Variants in OR52B2 observed in about 807,000 individuals in gnomAD.
OR52B2 encodes the protein olfactory receptor family 52 subfamily B member 2.
In OR52B2, 16 loss-of-function variants were observed where a neutral mutation model predicts 12.8. That is an observed-to-expected ratio of 1.25 (90% CI 0.85 to 1.90). The LOEUF (loss-of-function observed/expected upper bound fraction) is 1.90. OR52B2 is among the 40% of genes most tolerant of loss of function. The pLI is 0.00. For synonymous variants in OR52B2, 169 were observed against 152.2 expected, an observed-to-expected ratio of 1.11 and a Z score of -0.81; for missense variants, 465 against 407.8, an observed-to-expected ratio of 1.14 and a Z score of -1.21.
rs772072403 is a variant in OR52B2, at chr11:6,170,059, G to A, written c.268C>T (p.Gln90Ter). ...GCATCAAAAGCAATGTTATGTGCTT[G>A]AAGCCAAAAGATGGCTAGGGCCTTG... Reference protein sequence around the residue: ...VPKALAIFWLQAHNIAFDACV... With the variant: ...VPKALAIFWL The change falls in exon 1 of 1, where the codon CAA becomes TAA. Residue 90 changes from glutamine to a stop codon, truncating the protein, a stop_gained. Coordinates refer to ENST00000530810, the MANE Select transcript of OR52B2 (RefSeq NM_001004052.1). LOFTEE classifies it high-confidence loss of function. The A allele has an allele frequency of 1.5e-5, 25 of 1,613,864 alleles. No homozygotes were observed. The highest frequency in any genetic ancestry group is 2.1e-5 in the Non-Finnish European group (25 of 1,179,898).
At position 6,170,136 on chromosome 11, in the gene OR52B2, A is replaced by G; in HGVS notation, c.191T>C (p.Phe64Ser). ...GTCCATGACGGCCAGCATTGAGAGGAAGAAATACATGGGCACATGAAGGTT... is the reference window on the plus strand; with the variant it reads ...GTCCATGACGGCCAGCATTGAGAGGGAGAAATACATGGGCACATGAAGGTT... ...ERNLHVPMYF[F>S]LSMLAVMDIL... The change falls in exon 1 of 1, where the codon TTC becomes TCC. Residue 64 changes from phenylalanine to serine, a missense_variant. Transcript: ENST00000530810. 1 of 1,613,796 alleles carries G rather than the reference A, an allele frequency of 6.2e-7. No homozygotes were observed. The highest frequency in any genetic ancestry group is 8.5e-7 in the Non-Finnish European group (1 of 1,179,850).
Position 6,169,936 on chromosome 11 carries a change from G to A in OR52B2, c.391C>T (p.Pro131Ser), listed in dbSNP as rs1201095512. ...GTTAGCACTGTTGTATATCTCAGTGGGGCACAAATGGCCACAAAGCGATCA... is the reference window on the plus strand; with the variant it reads ...GTTAGCACTGTTGTATATCTCAGTGAGGCACAAATGGCCACAAAGCGATCA... Reference protein sequence around the residue: ...AFDRFVAICAPLRYTTVLTWP... With the variant: ...AFDRFVAICASLRYTTVLTWP... The change falls in exon 1 of 1, where the codon CCA (proline) becomes TCA (serine). Residue 131 changes from proline (P) to serine (S), a missense_variant. Pro to Ser is a moderately conservative substitution (Grantham distance 74). Coordinates refer to ENST00000530810, the MANE Select transcript of OR52B2 (RefSeq NM_001004052.1). 1 of 1,613,734 alleles carries A rather than the reference G, an allele frequency of 6.2e-7. No homozygotes were observed.
chr11:6,169,856 G>A lies in OR52B2; in HGVS notation c.471C>T (p.Ile157=). ...ALAVITRSFC[I]IFPVIFLLKR... ...TCAGCAAGAATATGACTGGGAAGAT[G>A]ATGCAGAAGCTTCGGGTGATGACGG... The change falls in exon 1 of 1, where the codon ATC becomes ATT. Residue 157 remains isoleucine (I), a synonymous_variant. Coordinates refer to ENST00000530810, the MANE Select transcript of OR52B2 (RefSeq NM_001004052.1). 1 of 1,613,832 alleles carries A rather than the reference G, an allele frequency of 6.2e-7. No homozygotes were observed. Among genetic ancestry groups the A allele is most frequent in the Non-Finnish European group, 8.5e-7 (1 of 1,179,876 alleles).
rs769878658 is a variant in OR52B2, at chr11:6,169,426, T to A, written c.901A>T (p.Ile301Leu). 2.5e-6 allele frequency: 4 copies of A among 1,613,582 alleles called. No homozygotes were observed. In the East Asian group the frequency reaches 8.9e-5, roughly 36 times the overall value. The change falls in exon 1 of 1, where the codon ATA becomes TTA. Residue 301 changes from isoleucine (I) to leucine (L), a missense_variant. Ile to Leu is a conservative substitution (Grantham distance 5). Transcript: ENST00000530810. ...PIVYGVKTKQ[I>L]REGVAHRFFD... ...AACCGGTGGGCTACACCCTCACGTA[T>A]CTGCTTAGTCTTCACACCATAGACA... is the stretch of plus-strand genomic sequence containing the variant.
Position 6,170,132 on chromosome 11 carries a change from G to C in OR52B2, c.195C>G (p.Leu65=). The C allele has an allele frequency of 6.2e-7, 1 of 1,613,840 alleles. No homozygotes were observed. Reference sequence around the variant, plus strand: ...GGATGTCCATGACGGCCAGCATTGAGAGGAAGAAATACATGGGCACATGAA... The same window carrying C: ...GGATGTCCATGACGGCCAGCATTGACAGGAAGAAATACATGGGCACATGAA... ...RNLHVPMYFF[L]SMLAVMDILL... is the part of the protein sequence containing the mutation. Residue 65 remains leucine (L), a synonymous_variant, in exon 1 of 1, where the codon CTC becomes CTG. Coordinates refer to ENST00000530810, the MANE Select transcript of OR52B2 (RefSeq NM_001004052.1).
At position 6,170,042 on chromosome 11, in the gene OR52B2, A is replaced by C; in HGVS notation, c.285T>G (p.Ala95=). 1 of 1,613,820 alleles carries C rather than the reference A, an allele frequency of 6.2e-7. No homozygotes were observed. The highest frequency in any genetic ancestry group is 8.5e-7 in the Non-Finnish European group (1 of 1,179,856). The part of the protein sequence containing the change: ...AIFWLQAHNI[A]FDACVTQGFF... ...AGCCTTGGGTGACACAGGCATCAAA[A>C]GCAATGTTATGTGCTTGAAGCCAAA... Residue 95 remains alanine (A), a synonymous_variant, in exon 1 of 1, where the codon GCT becomes GCG. Transcript: ENST00000530810.
In OR52B2 at chr11:6,170,070, AT is replaced by A; in HGVS notation, c.256del (p.Ile86SerfsTer23). ...STTTVPKALA[I>X]FWLQAHNIAF... is the part of the protein sequence containing the mutation. ...AATGTTATGTGCTTGAAGCCAAAAG[AT>A]GGCTAGGGCCTTGGGCACAGTGGTG... On this transcript the variant is annotated frameshift_variant, in exon 1 of 1. Coordinates refer to ENST00000530810, the MANE Select transcript of OR52B2 (RefSeq NM_001004052.1). LOFTEE classifies it high-confidence loss of function. 1 of 1,613,814 alleles carries A rather than the reference AT, an allele frequency of 6.2e-7. No individual in the cohort carries two copies. The highest frequency in any genetic ancestry group is 8.5e-7 in the Non-Finnish European group (1 of 1,179,884).
rs1322085502 is a variant in OR52B2 at position 6,169,873 on chromosome 11, T to A, written c.454A>T (p.Thr152Ser). 1 of 1,613,608 alleles carries A rather than the reference T, an allele frequency of 6.2e-7. No homozygotes were observed. The highest frequency in any genetic ancestry group is 8.5e-7 in the Non-Finnish European group (1 of 1,179,868). The part of the protein sequence containing the change: ...VVGRIALAVI[T>S]RSFCIIFPVI... Reference sequence around the variant, plus strand: ...GGGAAGATGATGCAGAAGCTTCGGGTGATGACGGCCAGAGCAATCCTCCCC... The same window carrying A: ...GGGAAGATGATGCAGAAGCTTCGGGAGATGACGGCCAGAGCAATCCTCCCC... The change falls in exon 1 of 1, where the codon ACC becomes TCC. Residue 152 changes from threonine (T) to serine (S), a missense_variant. Physicochemically the swap from Thr to Ser is moderately conservative, Grantham distance 58. Transcript: ENST00000530810.
At position 6,169,731 on chromosome 11, in the gene OR52B2, C is replaced by T; in HGVS notation, c.596G>A (p.Trp199Ter). 6.2e-7 allele frequency: 1 copy of T among 1,613,504 alleles called. No individual in the cohort carries two copies. Among genetic ancestry groups the T allele is most frequent in the East Asian group, 2.2e-5 (1 of 44,856 alleles). Reference sequence around the variant, plus strand: ...GACAATGGGCACTGAGAAGCCATACCAAATGTTAACAGTGATGTCAGCACA... The same window carrying T: ...GACAATGGGCACTGAGAAGCCATACTAAATGTTAACAGTGATGTCAGCACA... ...LACADITVNIWYGFSVPIVMV... is the reference protein window; with the variant it reads ...LACADITVNI Residue 199 changes from tryptophan (W) to a stop codon, truncating the protein, a stop_gained, in exon 1 of 1, where the codon TGG becomes TAG. Coordinates refer to ENST00000530810, the MANE Select transcript of OR52B2 (RefSeq NM_001004052.1). LOFTEE classifies it high-confidence loss of function.
Position 6,170,015 on chromosome 11 carries a change from GA to G in OR52B2, c.311del (p.Phe104SerfsTer5). On this transcript the variant is annotated frameshift_variant, in exon 1 of 1. Transcript: ENST00000530810. LOFTEE classifies it high-confidence loss of function. ...IAFDACVTQGFFVHMMFVGES... is the reference protein window; with the variant it reads ...IAFDACVTQGXFVHMMFVGES... ...CCCCCACAAACATCATATGGACAAA[GA>G]AGCCTTGGGTGACACAGGCATCAAA... The G allele has an allele frequency of 6.2e-7, 1 of 1,613,830 alleles. No individual in the cohort carries two copies. The highest frequency in any genetic ancestry group is 8.5e-7 in the Non-Finnish European group (1 of 1,179,890).
chr11:6,169,798 G>A lies in OR52B2; in HGVS notation c.529C>T (p.Pro177Ser). The A allele has an allele frequency of 6.2e-7, 1 of 1,613,770 alleles. No individual in the cohort carries two copies. The highest frequency in any genetic ancestry group is 1.6e-4 in the Middle Eastern group (1 of 6,062). ...CCAATATGCTCACAGTAGGAGTGAGGAACAATGTTGGTTAGGCAGAAGGGC... is the reference window on the plus strand; with the variant it reads ...CCAATATGCTCACAGTAGGAGTGAGAAACAATGTTGGTTAGGCAGAAGGGC... ...RLPFCLTNIV[P>S]HSYCEHIGVA... Residue 177 changes from proline to serine, a missense_variant, in exon 1 of 1, where the codon CCT becomes TCT. Pro to Ser is a moderately conservative substitution (Grantham distance 74). Transcript: ENST00000530810.
Position 6,169,379 on chromosome 11 carries a change from G to T in OR52B2, c.948C>A (p.Cys316Ter). The T allele has an allele frequency of 1.9e-6, 3 of 1,613,520 alleles. No individual in the cohort carries two copies. The highest frequency in any genetic ancestry group is 2.5e-6 in the Non-Finnish European group (3 of 1,179,714). The part of the protein sequence containing the change: ...AHRFFDIKTW[C>*]CTSPLGS ...TTCATGAGCCCAGAGGGGAGGTACA[G>T]CACCAAGTCTTGATGTCAAAGAACC... is the stretch of plus-strand genomic sequence containing the variant. Residue 316 changes from cysteine to a stop codon, truncating the protein, a stop_gained, in exon 1 of 1, where the codon TGC becomes TGA. Coordinates refer to ENST00000530810, the MANE Select transcript of OR52B2 (RefSeq NM_001004052.1). LOFTEE classifies it high-confidence loss of function.
chr11:6,169,580 G>A lies in OR52B2; in HGVS notation c.747C>T (p.Val249=), dbSNP rs1846641923. 6.2e-7 allele frequency: 1 copy of A among 1,613,722 alleles called. No homozygotes were observed. The highest frequency in any genetic ancestry group is 8.5e-7 in the Non-Finnish European group (1 of 1,179,888). Residue 249 remains valine (V), a synonymous_variant, in exon 1 of 1, where the codon GTC becomes GTT. Transcript: ENST00000530810. ...ALSTCGSHLC[V]ILMFYVPSFF... ...AGGATGGAACATAAAACATAAGGAT[G>A]ACACAGAGGTGGGAGCCACAAGTGC... is the stretch of plus-strand genomic sequence containing the variant.
In OR52B2 at chr11:6,169,616, G is replaced by A; in HGVS notation, c.711C>T (p.His237=). 6.2e-7 allele frequency: 1 copy of A among 1,613,866 alleles called. No individual in the cohort carries two copies. Among genetic ancestry groups the A allele is most frequent in the East Asian group, 2.2e-5 (1 of 44,878 alleles). The stretch of plus-strand genomic sequence containing the variant: ...GGGAGCCACAAGTGCTGAGGGCCTT[G>A]TGCCGAGCATCCTGGGAGGGCAAAC... ...VFRLPSQDAR[H]KALSTCGSHL... The change falls in exon 1 of 1, where the codon CAC becomes CAT. Residue 237 remains histidine (H), a synonymous_variant. Transcript: ENST00000530810.
At position 6,169,679 on chromosome 11, in the gene OR52B2, G is replaced by C. The variant is rs1224930926; in HGVS notation, c.648C>G (p.Ile216Met). 2 of 1,613,640 alleles carry C rather than the reference G, an allele frequency of 1.2e-6. No individual in the cohort carries two copies. The highest frequency in any genetic ancestry group is 2.7e-5 in the African/African-American group (2 of 74,802). ...GGAGGATCAGTGAGTAAGACACAGCGATGAGGATAACATCCAAGATGACCA... is the reference window on the plus strand; with the variant it reads ...GGAGGATCAGTGAGTAAGACACAGCCATGAGGATAACATCCAAGATGACCA... ...IVMVILDVIL[I>M]AVSYSLILRA... The change falls in exon 1 of 1, where the codon ATC becomes ATG. Residue 216 changes from isoleucine to methionine, a missense_variant. By Grantham distance (10) the Ile-to-Met change is conservative (BLOSUM62 1). Transcript: ENST00000530810.
At position 6,169,840 on chromosome 11, in the gene OR52B2, A is replaced by G; in HGVS notation, c.487T>C (p.Phe163Leu). 4 of 1,613,836 alleles carry G rather than the reference A, an allele frequency of 2.5e-6. No individual in the cohort carries two copies. The highest frequency in any genetic ancestry group is 4.5e-5 in the East Asian group (2 of 44,880). Reference protein sequence around the residue: ...RSFCIIFPVIFLLKRLPFCLT... With the variant: ...RSFCIIFPVILLLKRLPFCLT... ...CAGAAGGGCAGCCGCTTCAGCAAGA[A>G]TATGACTGGGAAGATGATGCAGAAG... is the stretch of plus-strand genomic sequence containing the variant. The change falls in exon 1 of 1, where the codon TTC becomes CTC. Residue 163 changes from phenylalanine (F) to leucine (L), a missense_variant. Transcript: ENST00000530810.
At position 6,169,870 on chromosome 11, in the gene OR52B2, G is replaced by C; in HGVS notation, c.457C>G (p.Arg153Gly). ...VGRIALAVIT[R>G]SFCIIFPVIF... ...ACTGGGAAGATGATGCAGAAGCTTCGGGTGATGACGGCCAGAGCAATCCTC... is the reference window on the plus strand; with the variant it reads ...ACTGGGAAGATGATGCAGAAGCTTCCGGTGATGACGGCCAGAGCAATCCTC... The change falls in exon 1 of 1, where the codon CGA becomes GGA. Residue 153 changes from arginine (R) to glycine (G), a missense_variant. By Grantham distance (125) the Arg-to-Gly change is moderately radical. Coordinates refer to ENST00000530810, the MANE Select transcript of OR52B2 (RefSeq NM_001004052.1). 6.2e-7 allele frequency: 1 copy of C among 1,613,754 alleles called. No homozygotes were observed.
In OR52B2 at chr11:6,170,128, T is replaced by C. The variant is rs1259539424; in HGVS notation, c.199A>G (p.Met67Val). 5.0e-6 allele frequency: 8 copies of C among 1,613,756 alleles called. No homozygotes were observed. Among genetic ancestry groups the C allele is most frequent in the East Asian group, 4.5e-5 (2 of 44,884 alleles). Residue 67 changes from methionine to valine, a missense_variant, in exon 1 of 1, where the codon ATG (methionine) becomes GTG (valine). Physicochemically the swap from Met to Val is conservative, Grantham distance 21. Coordinates refer to ENST00000530810, the MANE Select transcript of OR52B2 (RefSeq NM_001004052.1). ...AGCAGGATGTCCATGACGGCCAGCATTGAGAGGAAGAAATACATGGGCACA... is the reference window on the plus strand; with the variant it reads ...AGCAGGATGTCCATGACGGCCAGCACTGAGAGGAAGAAATACATGGGCACA... ...LHVPMYFFLSMLAVMDILLST... is the reference protein window; with the variant it reads ...LHVPMYFFLSVLAVMDILLST...
rs748461257 is a variant in OR52B2 at position 6,170,170 on chromosome 11, T to C, written c.157A>G (p.Met53Val). The stretch of plus-strand genomic sequence containing the variant: ...ATGGGCACATGAAGGTTACGTTCCA[T>C]GACAATAACCACTATCAGGATGCTG... ...GNSILIVVIV[M>V]ERNLHVPMYF... Residue 53 changes from methionine (M) to valine (V), a missense_variant, in exon 1 of 1, where the codon ATG becomes GTG. By Grantham distance (21) the Met-to-Val change is conservative. Coordinates refer to ENST00000530810, the MANE Select transcript of OR52B2 (RefSeq NM_001004052.1). The C allele has an allele frequency of 1.9e-6, 3 of 1,613,704 alleles. No individual in the cohort carries two copies. The highest frequency in any genetic ancestry group is 2.2e-5 in the East Asian group (1 of 44,878).
Sources: gnomAD v4.1 joint callset for allele counts on GRCh38, gnomAD v4.1.1 for gene constraint, MANE v1.5 for transcripts, NCBI Gene and HGNC (gene_info 2026-07-23, HGNC 2026-07-21) for gene names.